The following MYO10 variants were observed in gnomAD, a reference collection of about 807,000 sequenced individuals.
MYO10 encodes the protein unconventional myosin-X.
MYO10 carries 133 observed loss-of-function variants against 257.3 expected under a neutral mutation model. The observed-to-expected ratio is 0.52, with a 90% CI of 0.45 to 0.60. MYO10 has a LOEUF of 0.60. Ranked by LOEUF, MYO10 falls within the 20% of genes least tolerant of loss-of-function variation. MYO10 has a pLI of 0.00. For synonymous variants in MYO10, 1,104 were observed against 1,028.6 expected, an observed-to-expected ratio of 1.07 and a Z score of -1.40; for missense variants, 2,399 against 2,635.7, an observed-to-expected ratio of 0.91 and a Z score of 1.97.
chr5:16,813,140 G>C (rs76830301), intron 3 of MYO10, among the ~76,000 whole-genome samples: 2,599 of 152,148 alleles, frequency 0.017, 64 homozygotes, highest in African/African-American at 0.06. Flanking sequence ...TGACAGCTCA[G>C]AACAGAAAGT....
intron 2 of MYO10, among the ~76,000 whole-genome samples, chr5:16,827,196 G>A (rs940482228): frequency 3.3e-5 from 5 of 151,910 alleles, no homozygotes; most frequent in African/African-American, 1.2e-4. Context: ...GCTAGCGTGC[G>A]GAGGAAAAAA....
intron 1 of MYO10, among the ~76,000 whole-genome samples, chr5:16,882,532 C>T (rs2126766241): frequency 6.6e-6 from 1 of 151,878 alleles, no homozygotes; most frequent in South Asian, 2.1e-4. Flanking sequence ...TAGAGATACT[C>T]AGAATAAATC....
intron 37 of MYO10, among the ~76,000 whole-genome samples, chr5:16,672,128 G>T (rs1736495458): frequency 6.6e-6 from 1 of 151,836 alleles, no homozygotes; most frequent in African/African-American, 2.4e-5. Flanking sequence ...AACCCCATCT[G>T]TACTAAAAAT....
intron 33 of MYO10, among the ~76,000 whole-genome samples, chr5:16,676,741 T>C (rs1251766198): frequency 6.6e-6 from 1 of 152,166 alleles, no homozygotes; most frequent in Admixed American, 6.5e-5. Context: ...CTGGGCACAG[T>C]GGCTCATGCC....
chr5:16,757,727 C>T (rs1342775755), intron 18 of MYO10, among the ~76,000 whole-genome samples: 2 of 152,170 alleles, frequency 1.3e-5, no homozygotes, highest in Non-Finnish European at 2.9e-5. Flanking sequence ...TGCAGTGGTG[C>T]AATCACAGCT....
intron 4 of MYO10, among the ~76,000 whole-genome samples, chr5:16,789,448 C>T (rs1475132158): frequency 6.6e-6 from 1 of 152,126 alleles, no homozygotes. Flanking sequence ...AAGGTCTTAG[C>T]AAGCCAAACA....
chr5:16,754,751 C>T, intron 19 of MYO10, 77 bp downstream of exon 19: 1 of 1,077,962 alleles, frequency 9.3e-7, no homozygotes, highest in Non-Finnish European at 1.3e-6. Flanking sequence ...TTTGGAGAAA[C>T]CAAATCTGTG....
intron 27 of MYO10, among the ~76,000 whole-genome samples, chr5:16,691,269 CA>C (rs35469219): frequency 0.41 from 43,653 of 105,504 alleles, 6,149 homozygotes; most frequent in South Asian, 0.45. Flanking sequence ...GACTCCGTCT[CA>C]AAAAAAAAAA....
At position 16,761,563 on chromosome 5, in the gene MYO10, A is replaced by G. The variant is rs184058192; in HGVS notation, c.1657-17T>C. ...ATATTGCACCTAGTTTTAATAAATA[A>G]GAGAGGAGAAAACTGATTGAAAGAA... On this transcript the variant is annotated splice_polypyrimidine_tract_variant and intron_variant, in intron 16 of 40. Transcript: ENST00000513610. 8.1e-4 allele frequency: 1,277 copies of G among 1,582,336 alleles called. 2 individuals are homozygous for G. The highest frequency in any genetic ancestry group is 2.7e-3 in the Middle Eastern group (16 of 6,002).
At chr5:16,742,152 A>G (rs1579938240) in intron 19 of MYO10, 1 of 985,294 alleles carries the variant, frequency 1.0e-6, no homozygotes, top group African/African-American at 1.7e-5. Context: ...TTTTAAAAAA[A>G]GTCCCAGGAC....
chr5:16,690,234 G>A (rs1293182753), intron 27 of MYO10, among the ~76,000 whole-genome samples: 2 of 152,200 alleles, frequency 1.3e-5, no homozygotes, highest in East Asian at 3.9e-4. Context: ...GAGACGATTT[G>A]AAGCATGTGG....
intron 19 of MYO10, among the ~76,000 whole-genome samples, chr5:16,742,954 C>T (rs1003546518): frequency 6.6e-6 from 1 of 151,826 alleles, no homozygotes; most frequent in Non-Finnish European, 1.5e-5. Flanking sequence ...AACCCCATCT[C>T]TACTAAAAAT....
rs1485022661 is a variant in MYO10 at position 16,694,662 on chromosome 5, A to G, written c.3557-48T>C. 6 of 1,603,720 alleles carry G rather than the reference A, an allele frequency of 3.7e-6. 1 individual carries two copies. The South Asian group carries it at 6.6e-5, about 18-fold the overall frequency. On this transcript the variant is annotated intron_variant, in intron 26 of 40. Coordinates refer to ENST00000513610, the MANE Select transcript of MYO10 (RefSeq NM_012334.3). ...GAGAGGGGTGAAAGAAAAGTCAGTC[A>G]AGTTGGATGACAACAACATGCATAG...
chr5:16,861,042 A>T (rs1264511529), intron 2 of MYO10, among the ~76,000 whole-genome samples: 2 of 152,086 alleles, frequency 1.3e-5, no homozygotes, highest in Non-Finnish European at 2.9e-5. Context: ...TTTAAAAAAC[A>T]TACCATGGCC....
At chr5:16,869,191 A>ATTTTTTTTTTTT (rs70943814) in intron 2 of MYO10, among the ~76,000 whole-genome samples, 6 of 115,880 alleles carry the variant, frequency 5.2e-5, no homozygotes, top group African/African-American at 1.0e-4. Context: ...CACCCGGCTA[A>ATTTTTTTTTTTT]TTTTTTTTTT....
intron 19 of MYO10, among the ~76,000 whole-genome samples, chr5:16,747,684 C>T (rs535642019): frequency 1.2e-3 from 177 of 152,012 alleles, no homozygotes; most frequent in Non-Finnish European, 2.1e-3. Context: ...TTCGGGAGGC[C>T]GAGGCGGGTG....
chr5:16,796,432 A>AAAAGAAAG (rs1038578265), intron 3 of MYO10, among the ~76,000 whole-genome samples: 1 of 56,382 alleles, frequency 1.8e-5, no homozygotes, highest in East Asian at 4.5e-4. Flanking sequence ...AAAAAGAAAG[A>AAAAGAAAG]AAAGAAAGAC....
intron 1 of MYO10, among the ~76,000 whole-genome samples, chr5:16,915,797 A>T (rs1745799159): frequency 1.3e-5 from 2 of 152,094 alleles, no homozygotes; most frequent in South Asian, 4.1e-4. Flanking sequence ...CTCCAATAAA[A>T]ATATAAAAAA....
chr5:16,811,085 A>C (rs1459591556), intron 3 of MYO10, among the ~76,000 whole-genome samples: 6 of 147,000 alleles, frequency 4.1e-5, no homozygotes, highest in African/African-American at 1.5e-4. Flanking sequence ...AAAAAAAAAA[A>C]CAAAAAGAAA....
Sources: allele counts gnomAD v4.1 joint callset (sites outside exome capture counted in the v4.1 genomes callset), GRCh38; gene constraint gnomAD v4.1.1; transcripts MANE v1.5; gene names NCBI Gene and HGNC (gene_info 2026-07-23, HGNC 2026-07-21).